The following TENM2 variants were observed in gnomAD, a reference collection of about 807,000 sequenced individuals.
TENM2 encodes the protein teneurin transmembrane protein 2.
TENM2 carries 52 observed loss-of-function variants against 245.2 expected under a neutral mutation model. That is an observed-to-expected ratio of 0.21 (90% CI 0.17 to 0.27). The LOEUF (loss-of-function observed/expected upper bound fraction) is 0.27. Ranked by LOEUF, TENM2 falls within the 10% of genes least tolerant of loss-of-function variation. The probability of loss-of-function intolerance (pLI) is 1.00; values close to 1 mark genes in which losing one functional copy is unlikely to be tolerated. For missense variants in TENM2, 3,046 were observed against 3,666.8 expected, an observed-to-expected ratio of 0.83 and a Z score of 4.37; for synonymous variants, 1,363 against 1,438.9, an observed-to-expected ratio of 0.95 and a Z score of 1.19.
At chr5:167,743,740 T>G (rs1761366639) in intron 2 of TENM2, among the ~76,000 whole-genome samples, 1 of 152,160 alleles carries the variant, frequency 6.6e-6, no homozygotes, top group African/African-American at 2.4e-5. Context: ...ACTATAAGCT[T>G]GATAGTTCGA....
chr5:168,245,408 G>A (rs752308715), intron 26 of TENM2, among the ~76,000 whole-genome samples: 17 of 151,998 alleles, frequency 1.1e-4, no homozygotes, highest in African/African-American at 1.9e-4. Flanking sequence ...AAATTAAGCC[G>A]TCAGGATGGG....
At chr5:167,621,233 A>T (rs1778153597) in intron 2 of TENM2, among the ~76,000 whole-genome samples, 1 of 152,172 alleles carries the variant, frequency 6.6e-6, no homozygotes, top group Non-Finnish European at 1.5e-5. Context: ...GAATAAGAAC[A>T]TTTCAGATAA....
chr5:167,532,444 T>C (rs1047877376), intron 2 of TENM2, among the ~76,000 whole-genome samples: 36 of 152,024 alleles, frequency 2.4e-4, no homozygotes, highest in Admixed American at 1.2e-3. Context: ...CTCACAGTCA[T>C]GGTGGAAGGC....
At chr5:167,008,511 A>T in the TENM2 span, among the ~76,000 whole-genome samples, 3 of 152,114 alleles carry the variant, frequency 2.0e-5, no homozygotes, top group Admixed American at 6.5e-5. Context: ...CCATTTACCA[A>T]AATGCAGGAC....
chr5:167,168,743 CTGAGTT>C, the TENM2 span, among the ~76,000 whole-genome samples: 1 of 151,992 alleles, frequency 6.6e-6, no homozygotes, highest in Non-Finnish European at 1.5e-5. Context: ...AAAATGATGC[CTGAGTT>C]TATTTTTTTT....
At chr5:167,119,093 C>T in the TENM2 span, among the ~76,000 whole-genome samples, 3 of 152,194 alleles carry the variant, frequency 2.0e-5, no homozygotes, top group Non-Finnish European at 2.9e-5. Context: ...GGACAAGTTA[C>T]TTGGTCCCTT....
the TENM2 span, among the ~76,000 whole-genome samples, chr5:167,204,415 G>A: frequency 1.3e-5 from 2 of 152,174 alleles, no homozygotes; most frequent in African/African-American, 4.8e-5. Context: ...AGGACCAGAG[G>A]TGAGAAAATC....
intron 3 of TENM2, among the ~76,000 whole-genome samples, chr5:167,894,838 A>G (rs1775044033): frequency 6.6e-6 from 1 of 152,138 alleles, no homozygotes; most frequent in Non-Finnish European, 1.5e-5. Flanking sequence ...CAAAAACTCA[A>G]AACAAAGGTG....
chr5:168,054,394 C>G (rs1172227054), intron 6 of TENM2, among the ~76,000 whole-genome samples: 1 of 152,206 alleles, frequency 6.6e-6, no homozygotes, highest in Admixed American at 6.5e-5. Context: ...TAAACAGAAC[C>G]CTCAGATGGT....
intron 1 of TENM2, among the ~76,000 whole-genome samples, chr5:167,370,801 G>A (rs1230115823): frequency 6.6e-6 from 1 of 152,178 alleles, no homozygotes; most frequent in Non-Finnish European, 1.5e-5. Context: ...TTATCTTTCT[G>A]AAAGATAGTA....
At chr5:167,570,285 C>T (rs558354639) in intron 2 of TENM2, among the ~76,000 whole-genome samples, 22 of 151,528 alleles carry the variant, frequency 1.5e-4, no homozygotes, top group Non-Finnish European at 2.6e-4. Flanking sequence ...ATGTGCAAGC[C>T]GATACATAAG....
chr5:167,324,977 G>A (rs953788193), intron 1 of TENM2, among the ~76,000 whole-genome samples: 2 of 152,162 alleles, frequency 1.3e-5, no homozygotes, highest in Non-Finnish European at 2.9e-5. Context: ...AAGTGTGAAC[G>A]TGGCTCTAGC....
At chr5:167,987,657 C>T (rs1783351713) in intron 4 of TENM2, among the ~76,000 whole-genome samples, 1 of 152,062 alleles carries the variant, frequency 6.6e-6, no homozygotes, top group Admixed American at 6.5e-5. Context: ...TCCCAGACTC[C>T]ACCCCATACC....
At chr5:168,171,593 G>A (rs1758833252) in intron 13 of TENM2, among the ~76,000 whole-genome samples, 2 of 152,134 alleles carry the variant, frequency 1.3e-5, no homozygotes, top group Admixed American at 6.5e-5. Context: ...TTTAAAAAAA[G>A]GGGTTTAAAG....
chr5:167,462,188 C>CCCA (rs1554159736), intron 2 of TENM2, among the ~76,000 whole-genome samples: 2 of 129,850 alleles, frequency 1.5e-5, no homozygotes, highest in Admixed American at 8.2e-5. Context: ...CCCACCCCCC[C>CCCA]CCCCCATTGC....
chr5:168,025,819 C>T (rs893128161), intron 5 of TENM2, among the ~76,000 whole-genome samples: 2 of 152,136 alleles, frequency 1.3e-5, no homozygotes, highest in East Asian at 1.9e-4. Flanking sequence ...GTTGTTTAAA[C>T]TAAAATAACT....
At chr5:167,431,044 C>T (rs1208043945) in intron 2 of TENM2, among the ~76,000 whole-genome samples, 2 of 151,868 alleles carry the variant, frequency 1.3e-5, no homozygotes, top group Non-Finnish European at 2.9e-5. Context: ...TTGGGGAATC[C>T]CAAAGCTAAA....
rs1354033499 is a variant in TENM2, at chr5:167,475,165, CACATA to C, written c.502+99700_502+99704del. Among the ~76,000 whole-genome samples, 18 of 152,156 alleles carry C rather than the reference CACATA, an allele frequency of 1.2e-4. No homozygotes were observed. In the South Asian group the frequency reaches 1.2e-3, roughly 11 times the overall value. On this transcript the variant is annotated intron_variant, in intron 2 of 28. Coordinates refer to ENST00000518659, the Ensembl canonical transcript of TENM2. ...GGTATATATAGAAATATGTTTAATG[CACATA>C]ACATAACTTATACTGAAAATTATTG...
chr5:168,225,234 T>A (rs13356441), intron 23 of TENM2, among the ~76,000 whole-genome samples: 7,529 of 152,172 alleles, frequency 0.049, 627 homozygotes, highest in African/African-American at 0.17. Flanking sequence ...CTGAGCCAAT[T>A]TGTGCAGGTG....
Sources: gnomAD v4.1 joint callset for allele counts (sites outside exome capture counted in the v4.1 genomes callset) on GRCh38, gnomAD v4.1.1 for gene constraint, MANE v1.5 for transcripts, NCBI Gene and HGNC (gene_info 2026-07-23, HGNC 2026-07-21) for gene names.